Variants in GTSE1 observed in about 807,000 individuals in gnomAD.
GTSE1 encodes the protein G2 and S phase-expressed protein 1.
Under a neutral mutation model 60.5 loss-of-function variants are expected in GTSE1, and 52 were observed. The ratio of observed to expected loss-of-function variants is 0.86; its 90% confidence interval spans 0.69 to 1.08. The LOEUF (loss-of-function observed/expected upper bound fraction) is 1.08. GTSE1 is among the 50% of genes least tolerant of loss of function. GTSE1 has a pLI of 0.00. For missense variants in GTSE1, 937 were observed against 961.8 expected, an observed-to-expected ratio of 0.97 and a Z score of 0.34; for synonymous variants, 368 against 386.5, an observed-to-expected ratio of 0.95 and a Z score of 0.56.
At position 46,320,322 on chromosome 22, in the gene GTSE1, C is replaced by T. The variant is rs946223278; in HGVS notation, c.1433-2868C>T. On this transcript the variant is annotated intron_variant, in intron 7 of 11. Coordinates refer to ENST00000454366, the MANE Select transcript of GTSE1 (RefSeq NM_016426.7). This position sits in a 1 kb window ranked among gnomAD's most constrained non-coding sequence, Gnocchi z 7.1. ...ATTTCACCTTCGGCAGGCGGTTCCTCCTCTCTCCACAATGCTGGGAACAGG... is the reference window on the plus strand; with the variant it reads ...ATTTCACCTTCGGCAGGCGGTTCCTTCTCTCTCCACAATGCTGGGAACAGG... Among the ~76,000 whole-genome samples, 7 of 152,212 alleles carry T rather than the reference C, an allele frequency of 4.6e-5. No individual in the cohort carries two copies. Among genetic ancestry groups the T allele is most frequent in the African/African-American group, 2.4e-5 (1 of 41,452 alleles).
rs2077868035 is a variant in GTSE1, at chr22:46,330,116, C to T, written c.2206C>T (p.Leu736Phe). The change falls in exon 12 of 12, where the codon CTC becomes TTC. Residue 736 changes from leucine (L) to phenylalanine (F), a missense_variant. Leu to Phe is a conservative substitution (Grantham distance 22, BLOSUM62 0). Transcript: ENST00000454366. The surrounding 1 kb of genome is among the most constrained non-coding windows in gnomAD (Gnocchi z 6.0). ...TGACAAGGAGAACGTGGATTCCCCA[C>T]TCCTCAAGTTCTAAGCCGAACCAAA... ...EADKENVDSPLLKF is the reference protein window; with the variant it reads ...EADKENVDSPFLKF 6.2e-7 allele frequency: 1 copy of T among 1,600,600 alleles called. No homozygotes were observed. Among genetic ancestry groups the T allele is most frequent in the Non-Finnish European group, 8.6e-7 (1 of 1,167,730 alleles).
intron 2 of GTSE1, among the ~76,000 whole-genome samples, chr22:46,298,823 T>G (rs1254867127): frequency 6.6e-6 from 1 of 152,224 alleles, no homozygotes; most frequent in African/African-American, 2.4e-5. Context: ...TTCATTTCCT[T>G]ACTTTTCCCC....
chr22:46,325,509 T>A (rs557525229), intron 8 of GTSE1, among the ~76,000 whole-genome samples: 6 of 151,378 alleles, frequency 4.0e-5, no homozygotes, highest in Non-Finnish European at 7.4e-5. Context: ...TTTGTTTATT[T>A]TTTTGAGACA....
Position 46,316,443 on chromosome 22 carries a change from T to C in GTSE1, c.1432+31T>C. 7.7e-7 allele frequency: 1 copy of C among 1,292,542 alleles called. No individual in the cohort carries two copies. The allele number at this position is 1,292,542 out of a possible 1,614,324, so 80.1% of individuals were successfully genotyped here. On this transcript the variant is annotated intron_variant, in intron 7 of 11. Transcript: ENST00000454366. This position sits in a 1 kb window ranked among gnomAD's most constrained non-coding sequence, Gnocchi z 5.0. ...TAATAGATACATTTTAATGTGTCTT[T>C]AAAAAATACTGAAGAAATTGCATTT...
In GTSE1 at chr22:46,297,611, T is replaced by A. The variant is rs139423758; in HGVS notation, c.79+132T>A. ...CTCTGCACCTGTGAAACACATGACA[T>A]CTGCCTTCGTTTTCTGGTTTTCTTT... On this transcript the variant is annotated intron_variant, in intron 2 of 11. Transcript: ENST00000454366. The surrounding 1 kb of genome is among the most constrained non-coding windows in gnomAD (Gnocchi z 4.9). The A allele has an allele frequency of 7.0e-4, 453 of 651,658 alleles. 5 individuals are homozygous for A. The East Asian group carries it at 0.011, about 16-fold the overall frequency. The allele number at this position is 651,658 out of a possible 1,614,324, so 40.4% of individuals were successfully genotyped here.
At chr22:46,300,801 G>A (rs1017409183) in intron 2 of GTSE1, among the ~76,000 whole-genome samples, 4 of 152,184 alleles carry the variant, frequency 2.6e-5, no homozygotes, top group Non-Finnish European at 5.9e-5. Context: ...CTTTTTCCAC[G>A]CCAGACCATT....
In GTSE1 at chr22:46,298,178, G is replaced by T. The variant is rs1409011893; in HGVS notation, c.79+699G>T. On this transcript the variant is annotated intron_variant, in intron 2 of 11. Transcript: ENST00000454366. ...GGGTTTTGCCATGTTGCCCAGGCTGGTCTCGAACTCCTGAGCTCAGGCAAT... is the reference window on the plus strand; with the variant it reads ...GGGTTTTGCCATGTTGCCCAGGCTGTTCTCGAACTCCTGAGCTCAGGCAAT... 5.3e-5 allele frequency among the ~76,000 whole-genome samples: 8 copies of T among 151,240 alleles called. No homozygotes were observed. The East Asian group carries it at 1.6e-3, about 29-fold the overall frequency.
At chr22:46,315,117 G>A (rs930127781) in intron 6 of GTSE1, among the ~76,000 whole-genome samples, 1 of 150,604 alleles carries the variant, frequency 6.6e-6, no homozygotes, top group African/African-American at 2.5e-5. Context: ...GGAGTGCAGT[G>A]GCGCAATCTT....
chr22:46,308,418 T>A lies in GTSE1; in HGVS notation c.237T>A (p.Pro79=). The part of the protein sequence containing the change: ...LELNNPVPEQ[P]PLPTSESPFA... Reference sequence around the variant, plus strand: ...TAAATAATCCGGTTCCCGAACAGCCTCCGTTGCCCACATCTGAGAGTCCCT... The same window carrying A: ...TAAATAATCCGGTTCCCGAACAGCCACCGTTGCCCACATCTGAGAGTCCCT... The change falls in exon 4 of 12, where the codon CCT becomes CCA. Residue 79 remains proline (P), a synonymous_variant. Coordinates refer to ENST00000454366, the MANE Select transcript of GTSE1 (RefSeq NM_016426.7). 1 of 1,614,194 alleles carries A rather than the reference T, an allele frequency of 6.2e-7. No homozygotes were observed.
At chr22:46,326,119 G>A (rs1420362363) in intron 8 of GTSE1, among the ~76,000 whole-genome samples, 1 of 152,276 alleles carries the variant, frequency 6.6e-6, no homozygotes, top group Non-Finnish European at 1.5e-5. Context: ...TGAACCTCGT[G>A]TGAAGTGACA....
At chr22:46,298,392 C>T (rs2077669775) in intron 2 of GTSE1, among the ~76,000 whole-genome samples, 1 of 151,812 alleles carries the variant, frequency 6.6e-6, no homozygotes, top group Non-Finnish European at 1.5e-5. Flanking sequence ...ACTGCAACCT[C>T]TGCCTTTCGG....
intron 2 of GTSE1, among the ~76,000 whole-genome samples, chr22:46,301,852 G>A (rs1236462633): frequency 2.6e-5 from 4 of 152,188 alleles, no homozygotes; most frequent in Admixed American, 2.0e-4. Flanking sequence ...GTTTCGGCCA[G>A]GTGCGGTGGC....
At position 46,317,592 on chromosome 22, in the gene GTSE1, G is replaced by C. The variant is rs1305139974; in HGVS notation, c.1432+1180G>C. 6.6e-6 allele frequency among the ~76,000 whole-genome samples: 1 copy of C among 152,128 alleles called. No individual in the cohort carries two copies. Among genetic ancestry groups the C allele is most frequent in the East Asian group, 1.9e-4 (1 of 5,194 alleles). ...TTTTCTTGGTTGTTGGATATTGTCA[G>C]GTGTACACTTTTGAATGTCTGGATT... On this transcript the variant is annotated intron_variant, in intron 7 of 11. Coordinates refer to ENST00000454366, the MANE Select transcript of GTSE1 (RefSeq NM_016426.7). This position sits in a 1 kb window ranked among gnomAD's most constrained non-coding sequence, Gnocchi z 5.6.
At chr22:46,299,800 C>CTT (rs936451341) in intron 2 of GTSE1, among the ~76,000 whole-genome samples, 1 of 145,206 alleles carries the variant, frequency 6.9e-6, no homozygotes, top group East Asian at 2.0e-4. Context: ...TTTTCTTTTT[C>CTT]TTTTTTTTTT....
chr22:46,311,218 C>T (rs2077746647), intron 4 of GTSE1, among the ~76,000 whole-genome samples: 2 of 152,098 alleles, frequency 1.3e-5, no homozygotes, highest in Non-Finnish European at 2.9e-5. Flanking sequence ...GCTGGGATTA[C>T]AGGCGCCCGC....
chr22:46,314,146 G>A lies in GTSE1; in HGVS notation c.1051+133G>A. On this transcript the variant is annotated intron_variant, in intron 6 of 11. Coordinates refer to ENST00000454366, the MANE Select transcript of GTSE1 (RefSeq NM_016426.7). The surrounding 1 kb of genome is among the most constrained non-coding windows in gnomAD (Gnocchi z 7.1). ...CGTCCCGGAGGGCGTGCTGTGTGCGGTGGACCAGGCTGTGGACTGAGTTGC... is the reference window on the plus strand; with the variant it reads ...CGTCCCGGAGGGCGTGCTGTGTGCGATGGACCAGGCTGTGGACTGAGTTGC... 1.8e-6 allele frequency: 2 copies of A among 1,102,516 alleles called. No homozygotes were observed. The highest frequency in any genetic ancestry group is 1.4e-5 in the South Asian group (1 of 70,736). 68.3% of individuals were successfully genotyped at this position (1,102,516 alleles called of 1,614,324 possible). A position where few individuals can be genotyped will look rare whatever the true frequency, so the allele number is the denominator to read the frequency against.
In GTSE1 at chr22:46,319,370, G is replaced by A. The variant is rs2077799308; in HGVS notation, c.1432+2958G>A. Among the ~76,000 whole-genome samples the A allele has an allele frequency of 6.6e-6, 1 of 152,190 alleles. No homozygotes were observed. On this transcript the variant is annotated intron_variant, in intron 7 of 11. Transcript: ENST00000454366. The surrounding 1 kb of genome is among the most constrained non-coding windows in gnomAD (Gnocchi z 5.0). ...GTAATGCGGACCTGGCCCTCACTGT[G>A]TTGGGGAGGAAGCTAGTGCTGGGGA...
rs148234360 is a variant in GTSE1 at position 46,324,625 on chromosome 22, G to A, written c.1505+1363G>A. On this transcript the variant is annotated intron_variant, in intron 8 of 11. Coordinates refer to ENST00000454366, the MANE Select transcript of GTSE1 (RefSeq NM_016426.7). The surrounding 1 kb of genome is among the most constrained non-coding windows in gnomAD (Gnocchi z 5.2). ...CTCGTGATCCACCAGCCTTGGCCTC[G>A]CAAAGTGCTGGGATTACAGGTGTGA... Among the ~76,000 whole-genome samples, 1 of 152,022 alleles carries A rather than the reference G, an allele frequency of 6.6e-6. No homozygotes were observed. The highest frequency in any genetic ancestry group is 6.6e-5 in the Admixed American group (1 of 15,262).
rs1343729161 is a variant in GTSE1 at position 46,320,280 on chromosome 22, G to A, written c.1433-2910G>A. ...GAGCGTGTCCCTGCGGTCTCCTTAC[G>A]CACCTCTCAGATGTGCATTTCACCT... is the stretch of plus-strand genomic sequence containing the variant. On this transcript the variant is annotated intron_variant, in intron 7 of 11. Coordinates refer to ENST00000454366, the MANE Select transcript of GTSE1 (RefSeq NM_016426.7). This position sits in a 1 kb window ranked among gnomAD's most constrained non-coding sequence, Gnocchi z 7.1. 2.0e-5 allele frequency among the ~76,000 whole-genome samples: 3 copies of A among 152,140 alleles called. No individual in the cohort carries two copies. The highest frequency in any genetic ancestry group is 2.1e-4 in the South Asian group (1 of 4,836).
Sources: allele counts gnomAD v4.1 joint callset (sites outside exome capture counted in the v4.1 genomes callset), GRCh38; gene constraint gnomAD v4.1.1; non-coding constraint Gnocchi (gnomAD v3.1); transcripts MANE v1.5; gene names NCBI Gene and HGNC (gene_info 2026-07-23, HGNC 2026-07-21).